Variants in ARL13B observed in about 807,000 individuals in gnomAD.
ARL13B encodes ARF like GTPase 13B.
Under a neutral mutation model 56.1 loss-of-function variants are expected in ARL13B, and 36 were observed. The observed-to-expected ratio is 0.64, with a 90% CI of 0.49 to 0.85. ARL13B has a LOEUF of 0.85. Among genes scored for constraint, ARL13B ranks in the 40% least tolerant of loss-of-function variants. The probability of loss-of-function intolerance (pLI) is 0.00; values close to 1 mark genes in which losing one functional copy is unlikely to be tolerated. For synonymous variants in ARL13B, 178 were observed against 171.1 expected (o/e 1.04, Z -0.32); for missense variants, 519 against 507.1 (o/e 1.02, Z -0.23).
rs1452128130 is a variant in ARL13B, at chr3:93,988,789, T to G, written c.60-7085T>G. On this transcript the variant is annotated intron_variant, in intron 1 of 9. Transcript: ENST00000394222. ...TCCCCTTTTCCCATTTGTTTGCATT[T>G]TTTTTTTTTTTTTAATCTGAAGATT... is the stretch of plus-strand genomic sequence containing the variant. The G allele has an allele frequency of 1.2e-5, 4 of 330,902 alleles. No individual in the cohort carries two copies. The East Asian group carries it at 3.7e-4, about 31-fold the overall frequency. 20.5% of individuals were successfully genotyped at this position (330,902 alleles called of 1,614,324 possible).
intron 7 of ARL13B, among the ~76,000 whole-genome samples, chr3:94,044,988 G>A (rs1023351871): frequency 1.9e-4 from 29 of 152,304 alleles, no homozygotes; most frequent in East Asian, 7.7e-4. Context: ...TGACGATGGC[G>A]GTTTTGTCGA....
intron 3 of ARL13B, among the ~76,000 whole-genome samples, chr3:94,020,627 A>G (rs189266605): frequency 2.0e-5 from 3 of 152,324 alleles, no homozygotes; most frequent in East Asian, 1.9e-4. Flanking sequence ...TGTTTGTGTC[A>G]GGAAAAGGTG....
chr3:94,026,169 GCCA>G (rs1319263430), intron 3 of ARL13B, among the ~76,000 whole-genome samples: 1 of 152,014 alleles, frequency 6.6e-6, no homozygotes, highest in African/African-American at 2.4e-5. Context: ...ACAGGCGCCC[GCCA>G]CCACACCCGA....
intron 2 of ARL13B, chr3:93,996,768 T>G (rs1275982415): frequency 5.1e-6 from 1 of 197,154 alleles, no homozygotes; most frequent in African/African-American, 2.3e-5. Context: ...GTATCACCAG[T>G]CAGGCATCTA....
At chr3:93,992,550 G>A (rs2075894340) in intron 1 of ARL13B, among the ~76,000 whole-genome samples, 1 of 152,066 alleles carries the variant, frequency 6.6e-6, no homozygotes, top group Non-Finnish European at 1.5e-5. Flanking sequence ...GTGGATATTT[G>A]TTTGCTACTA....
chr3:94,032,560 G>A (rs187179119), intron 3 of ARL13B, among the ~76,000 whole-genome samples: 3 of 152,016 alleles, frequency 2.0e-5, no homozygotes, highest in East Asian at 1.9e-4. Flanking sequence ...GTAGTGGCGC[G>A]ATCTCGGCTC....
chr3:94,050,235 A>AT (rs2077047883), intron 8 of ARL13B, among the ~76,000 whole-genome samples: 1 of 151,838 alleles, frequency 6.6e-6, no homozygotes, highest in Non-Finnish European at 1.5e-5. Flanking sequence ...AGATGTATTA[A>AT]TTTTTTCTAA....
intron 7 of ARL13B, among the ~76,000 whole-genome samples, chr3:94,045,136 A>G (rs1355043139): frequency 1.3e-5 from 2 of 152,212 alleles, no homozygotes; most frequent in Admixed American, 6.5e-5. Flanking sequence ...CTGTTAATCT[A>G]TAACCTTACC....
chr3:93,991,649 G>GAA (rs1228137902), intron 1 of ARL13B, among the ~76,000 whole-genome samples: 8 of 152,224 alleles, frequency 5.3e-5, no homozygotes, highest in Non-Finnish European at 1.2e-4. Flanking sequence ...GGGACTACAG[G>GAA]TGTGAGCCAC....
rs548079652 is a variant in ARL13B at position 94,001,565 on chromosome 3, A to G, written c.131-2094A>G. Among the ~76,000 whole-genome samples, 5 of 152,166 alleles carry G rather than the reference A, an allele frequency of 3.3e-5. No individual in the cohort carries two copies. The South Asian group carries it at 8.3e-4, about 25-fold the overall frequency. On this transcript the variant is annotated intron_variant, in intron 2 of 9. Transcript: ENST00000394222. ...TTCACCTTCCTTCCCTTGAATTCCT[A>G]CACACTATCGTCTCTAGCTTATTTT... is the stretch of plus-strand genomic sequence containing the variant.
chr3:94,011,703 C>G (rs2076227015), intron 3 of ARL13B, among the ~76,000 whole-genome samples: 1 of 152,092 alleles, frequency 6.6e-6, no homozygotes. Context: ...AGGAGTTTCT[C>G]TCTCTGGATC....
chr3:94,011,958 T>G (rs1046985766), intron 3 of ARL13B, among the ~76,000 whole-genome samples: 5 of 152,170 alleles, frequency 3.3e-5, no homozygotes, highest in African/African-American at 1.2e-4. Flanking sequence ...ATTGTCTTTG[T>G]GCTGCCAAAT....
Position 94,003,873 on chromosome 3 carries a change from A to T in ARL13B, c.345A>T (p.Leu115=). The part of the protein sequence containing the change: ...EETKEAMSEM[L]RHPRISGKPI... ...CAAAAGAGGCTATGTCAGAAATGCT[A>T]AGACATCCTAGGATATCGGGAAAGC... The change falls in exon 3 of 10, where the codon CTA becomes CTT. Residue 115 remains leucine, a synonymous_variant. Coordinates refer to ENST00000394222, the MANE Select transcript of ARL13B (RefSeq NM_001174150.2). 1 of 1,613,444 alleles carries T rather than the reference A, an allele frequency of 6.2e-7. No homozygotes were observed. The highest frequency in any genetic ancestry group is 8.5e-7 in the Non-Finnish European group (1 of 1,179,612).
intron 3 of ARL13B, among the ~76,000 whole-genome samples, chr3:94,027,488 G>A (rs2076582060): frequency 6.6e-6 from 1 of 151,942 alleles, no homozygotes; most frequent in Non-Finnish European, 1.5e-5. Context: ...TCTGATTCAA[G>A]TAAGCTGTAC....
rs1369319342 is a variant in ARL13B at position 94,053,505 on chromosome 3, GA to G, written c.*243del. 1 of 627,048 alleles carries G rather than the reference GA, an allele frequency of 1.6e-6. No homozygotes were observed. Among genetic ancestry groups the G allele is most frequent in the East Asian group, 3.3e-5 (1 of 30,486 alleles). The allele number at this position is 627,048 out of a possible 1,614,324, so 38.8% of individuals were successfully genotyped here. Reference sequence around the variant, plus strand: ...ATCAGCATTTGGACCAAATTAGCAAGATTTACTGTTGACTCTGGTTTATACA... The same window carrying G: ...ATCAGCATTTGGACCAAATTAGCAAGTTTACTGTTGACTCTGGTTTATACA... On this transcript the variant is annotated 3_prime_UTR_variant, in exon 10 of 10. Coordinates refer to ENST00000394222, the MANE Select transcript of ARL13B (RefSeq NM_001174150.2).
intron 8 of ARL13B, among the ~76,000 whole-genome samples, chr3:94,049,996 CA>C (rs532785971): frequency 0.022 from 1,443 of 64,410 alleles, 17 homozygotes; most frequent in Admixed American, 0.092. Flanking sequence ...ACTAAAGATA[CA>C]AAAAAAAAAA....
intron 2 of ARL13B, among the ~76,000 whole-genome samples, chr3:93,999,485 G>A (rs755065315): frequency 1.3e-5 from 2 of 151,936 alleles, no homozygotes; most frequent in Non-Finnish European, 2.9e-5. Flanking sequence ...TATATTACGA[G>A]GTACATGAGA....
At chr3:94,028,807 G>T (rs1413318772) in intron 3 of ARL13B, among the ~76,000 whole-genome samples, 1 of 152,060 alleles carries the variant, frequency 6.6e-6, no homozygotes, top group Admixed American at 6.6e-5. Context: ...TTAAACAAAG[G>T]TTACTTTCTT....
intron 7 of ARL13B, among the ~76,000 whole-genome samples, chr3:94,045,969 A>AAAG (rs2076976839): frequency 1.7e-5 from 2 of 118,194 alleles, no homozygotes; most frequent in South Asian, 2.6e-4. Flanking sequence ...AAAAAAAAAG[A>AAAG]AAAAAAAAAG....
Sources: gnomAD v4.1 joint callset for allele counts (sites outside exome capture counted in the v4.1 genomes callset) on GRCh38, gnomAD v4.1.1 for gene constraint, MANE v1.5 for transcripts, NCBI Gene and HGNC (gene_info 2026-07-23, HGNC 2026-07-21) for gene names.